The following SLC4A3 variants were observed in gnomAD, a reference collection of about 807,000 sequenced individuals.
SLC4A3 encodes the protein solute carrier family 4 member 3.
In SLC4A3, 47 loss-of-function variants were observed where a neutral mutation model predicts 114.2. That is an observed-to-expected ratio of 0.41 (90% confidence interval 0.33 to 0.52). SLC4A3 has a LOEUF of 0.52. Ranked by LOEUF, SLC4A3 falls within the 20% of genes least tolerant of loss-of-function variation. The pLI is 0.21. For synonymous variants in SLC4A3, 693 were observed against 710.3 expected (o/e 0.98, Z 0.39); for missense variants, 1,312 against 1,668.3 (o/e 0.79, Z 3.72).
rs1574658093 is a variant in SLC4A3, at chr2:219,639,383, A to C, written c.3024-99A>C. 7.1e-7 allele frequency: 1 copy of C among 1,402,596 alleles called. No homozygotes were observed. The highest frequency in any genetic ancestry group is 2.3e-5 in the East Asian group (1 of 43,514). The allele number at this position is 1,402,596 out of a possible 1,614,324, so 86.9% of individuals were successfully genotyped here. Reference sequence around the variant, plus strand: ...AGTCCTAGGGAGAACTGTTGTCTGCACGTCCTCCCCCCACCATCTCGTCTC... The same window carrying C: ...AGTCCTAGGGAGAACTGTTGTCTGCCCGTCCTCCCCCCACCATCTCGTCTC... On this transcript the variant is annotated intron_variant, in intron 19 of 22. Transcript: ENST00000358055. The surrounding 1 kb of genome is among the most constrained non-coding windows in gnomAD (Gnocchi z 5.9).
Position 219,635,306 on chromosome 2 carries a change from G to A in SLC4A3, c.1782G>A (p.Arg594=). 1 of 1,614,128 alleles carries A rather than the reference G, an allele frequency of 6.2e-7. No individual in the cohort carries two copies. The highest frequency in any genetic ancestry group is 2.2e-5 in the East Asian group (1 of 44,886). ...AGGCTGCCTACCAGGCAGATGACCG[G>A]CAAGACCTCCTAAGTGCCATCAGCG... ...FHEAAYQADD[R]QDLLSAISEF... is the part of the protein sequence containing the mutation. Residue 594 remains arginine (R), a synonymous_variant, in exon 13 of 23, where the codon CGG becomes CGA. Transcript: ENST00000358055.
At chr2:219,633,183 G>A (rs1194794801) in intron 9 of SLC4A3, 91 bp from the exon 10 acceptor site, 14 of 1,371,696 alleles carry the variant, frequency 1.0e-5, no homozygotes, top group Non-Finnish European at 1.3e-5. Flanking sequence ...TGAGGCAGAG[G>A]GATGGAGGTC....
intron 8 of SLC4A3, 71 bp downstream of exon 8, chr2:219,632,513 G>T (rs952819597): frequency 1.4e-6 from 2 of 1,462,518 alleles, no homozygotes; most frequent in Non-Finnish European, 1.8e-6. Flanking sequence ...CAGTTCCCAG[G>T]AACACTCTCT....
chr2:219,628,683 C>G lies in SLC4A3; in HGVS notation c.217+113C>G. 9.4e-7 allele frequency: 1 copy of G among 1,062,160 alleles called. No individual in the cohort carries two copies. Among genetic ancestry groups the G allele is most frequent in the Non-Finnish European group, 1.4e-6 (1 of 723,584 alleles). 65.8% of individuals were successfully genotyped at this position (1,062,160 alleles called of 1,614,324 possible). A position where few individuals can be genotyped will look rare whatever the true frequency, so the allele number is the denominator to read the frequency against. On this transcript the variant is annotated intron_variant, in intron 3 of 22. Coordinates refer to ENST00000358055, the MANE Select transcript of SLC4A3 (RefSeq NM_005070.4). The surrounding 1 kb of genome is among the most constrained non-coding windows in gnomAD (Gnocchi z 4.8). ...ACCCAGTGCCATCCTGTGCCGGACACTGTGCTGGACTCTGTGCTGGGCCAC... is the reference window on the plus strand; with the variant it reads ...ACCCAGTGCCATCCTGTGCCGGACAGTGTGCTGGACTCTGTGCTGGGCCAC...
In SLC4A3 at chr2:219,635,808, C is replaced by T. The variant is rs148012739; in HGVS notation, c.2108C>T (p.Ala703Val). The change falls in exon 14 of 23, where the codon GCG (alanine) becomes GTG (valine). Residue 703 changes from alanine to valine, a missense_variant. Ala to Val is a moderately conservative substitution (Grantham distance 64). Transcript: ENST00000358055. ...CACTACCCCAGTGACCTGCGAGATG[C>T]GCTGCACTCCCAGTGTGTGGCCGCT... ...YPHYPSDLRD[A>V]LHSQCVAAVL... 13 of 1,592,324 alleles carry T rather than the reference C, an allele frequency of 8.2e-6. No homozygotes were observed. The highest frequency in any genetic ancestry group is 3.4e-5 in the South Asian group (3 of 87,234).
intron 14 of SLC4A3, 83 bp downstream of exon 14, chr2:219,635,974 G>T: frequency 8.7e-7 from 1 of 1,152,570 alleles, no homozygotes. Context: ...CTGGGTCTGG[G>T]TGTGATCACA....
Position 219,636,262 on chromosome 2 carries a change from A to G in SLC4A3, c.2192-40A>G. On this transcript the variant is annotated intron_variant, in intron 14 of 22. Transcript: ENST00000358055. The surrounding 1 kb of genome is among the most constrained non-coding windows in gnomAD (Gnocchi z 5.5). ...GCTAGATGAAGAAGGGGGCAGATAG[A>G]CAGAGCCAGGCTAGGGCCATCCTAC... 1 of 1,610,436 alleles carries G rather than the reference A, an allele frequency of 6.2e-7. No individual in the cohort carries two copies.
At position 219,628,029 on chromosome 2, in the gene SLC4A3, TC is replaced by T. The variant is rs1559195326; in HGVS notation, c.43del (p.Leu15TyrfsTer13). 8 of 1,575,566 alleles carry T rather than the reference TC, an allele frequency of 5.1e-6. No homozygotes were observed. Among genetic ancestry groups the T allele is most frequent in the Admixed American group, 3.6e-5 (2 of 55,122 alleles). ...AGTGATCCCGCCGCCCGGGGGCGCCTCCCCCCTACCCCAGGTGATCGGCGCG... is the reference window on the plus strand; with the variant it reads ...AGTGATCCCGCCGCCCGGGGGCGCCTCCCCCTACCCCAGGTGATCGGCGCG... The part of the protein sequence containing the change: ...NGVIPPPGGA[S>X]PLPQVRVPLE... On this transcript the variant is annotated frameshift_variant, in exon 2 of 23. Coordinates refer to ENST00000358055, the MANE Select transcript of SLC4A3 (RefSeq NM_005070.4). LOFTEE classifies it high-confidence loss of function. This position sits in a 1 kb window ranked among gnomAD's most constrained non-coding sequence, Gnocchi z 4.8.
rs1699128876 is a variant in SLC4A3 at position 219,636,665 on chromosome 2, C to T, written c.2341-15C>T. 1 of 1,609,948 alleles carries T rather than the reference C, an allele frequency of 6.2e-7. No individual in the cohort carries two copies. Among genetic ancestry groups the T allele is most frequent in the East Asian group, 2.2e-5 (1 of 44,846 alleles). On this transcript the variant is annotated splice_polypyrimidine_tract_variant and intron_variant, in intron 15 of 22. Transcript: ENST00000358055. This position sits in a 1 kb window ranked among gnomAD's most constrained non-coding sequence, Gnocchi z 5.5. ...AGTCCACCTGTGGGTAACGACCGCT[C>T]CTACCCCCACCTAGTTCTGCCGAGC...
rs1699073562 is a variant in SLC4A3, at chr2:219,635,246, G to C, written c.1747-25G>C. On this transcript the variant is annotated intron_variant, in intron 12 of 22. Coordinates refer to ENST00000358055, the MANE Select transcript of SLC4A3 (RefSeq NM_005070.4). ...GAGGCTCCCTTGGCTGTCCCTGAGG[G>C]TCCTGGCCCTCTCATTGCCCCCAGC... 4 of 1,603,878 alleles carry C rather than the reference G, an allele frequency of 2.5e-6. No homozygotes were observed. The East Asian group carries it at 8.9e-5, about 36-fold the overall frequency.
chr2:219,635,187 AG>A lies in SLC4A3; in HGVS notation c.1747-83del, dbSNP rs1054000273. The A allele has an allele frequency of 4.7e-6, 5 of 1,063,212 alleles. No homozygotes were observed. The African/African-American group carries it at 7.8e-5, about 17-fold the overall frequency. The allele number at this position is 1,063,212 out of a possible 1,614,324, so 65.9% of individuals were successfully genotyped here. ...TGAATGTCCACCCTGCCTGTAGCTC[AG>A]TGACCCAACACCCGCCTCAAGTCTC... On this transcript the variant is annotated intron_variant, in intron 12 of 22. Transcript: ENST00000358055.
At position 219,637,802 on chromosome 2, in the gene SLC4A3, G is replaced by A. The variant is rs145199339; in HGVS notation, c.2757G>A (p.Leu919=). ...FLRKFRNSRF[L]GGKARRIIGD... is the part of the protein sequence containing the mutation. ...GCAAGTTCAGGAACAGCCGCTTCCTGGGGGGCAAGGTGCGTGGCTGCTGGG... is the reference window on the plus strand; with the variant it reads ...GCAAGTTCAGGAACAGCCGCTTCCTAGGGGGCAAGGTGCGTGGCTGCTGGG... The change falls in exon 17 of 23, where the codon CTG becomes CTA. Residue 919 remains leucine, a synonymous_variant. Transcript: ENST00000358055. This position sits in a 1 kb window ranked among gnomAD's most constrained non-coding sequence, Gnocchi z 4.6. 6.2e-7 allele frequency: 1 copy of A among 1,612,776 alleles called. No homozygotes were observed. The highest frequency in any genetic ancestry group is 8.5e-7 in the Non-Finnish European group (1 of 1,178,844).
rs2106192978 is a variant in SLC4A3 at position 219,634,609 on chromosome 2, G to T, written c.1746+5G>T. On this transcript the variant is annotated splice_donor_5th_base_variant and intron_variant, in intron 12 of 22. Coordinates refer to ENST00000358055, the MANE Select transcript of SLC4A3 (RefSeq NM_005070.4). ...GCCACCCTTATGTCTGACAAGGTTG[G>T]GCGCGTGCTGGCTCTCAAGGCCTCT... 1 of 1,613,422 alleles carries T rather than the reference G, an allele frequency of 6.2e-7. No homozygotes were observed. The highest frequency in any genetic ancestry group is 2.2e-5 in the East Asian group (1 of 44,872).
At chr2:219,629,746 C>G in intron 5 of SLC4A3, 51 bp downstream of exon 5, 1 of 1,302,686 alleles carries the variant, frequency 7.7e-7, no homozygotes, top group Non-Finnish European at 1.1e-6. Context: ...GCCACAGGGT[C>G]CAGAGCTCCT....
intron 5 of SLC4A3, 147 bp downstream of exon 5, chr2:219,629,842 A>T: frequency 3.2e-6 from 1 of 313,398 alleles, no homozygotes; most frequent in Non-Finnish European, 5.8e-6. Context: ...GGGGGTGGGG[A>T]TCCTTCTCTG....
rs1275967346 is a variant in SLC4A3 at position 219,639,943 on chromosome 2, T to C, written c.3277+208T>C. On this transcript the variant is annotated intron_variant, in intron 20 of 22. Transcript: ENST00000358055. This position sits in a 1 kb window ranked among gnomAD's most constrained non-coding sequence, Gnocchi z 5.9. ...TCCTGCCCCCTCTTCTCTCTCTTTT[T>C]TTTTGAGACGGAGTCTCGCTCTGTC... Among the ~76,000 whole-genome samples, 1 of 152,152 alleles carries C rather than the reference T, an allele frequency of 6.6e-6. No individual in the cohort carries two copies. Among genetic ancestry groups the C allele is most frequent in the Admixed American group, 6.5e-5 (1 of 15,282 alleles).
rs766693245 is a variant in SLC4A3 at position 219,636,739 on chromosome 2, G to C, written c.2400G>C (p.Leu800=). ...LTGRVWVGLW[L]VVFVLALVAA... is the part of the protein sequence containing the mutation. ...GCCGGGTGTGGGTTGGTCTCTGGCT[G>C]GTGGTCTTCGTCCTTGCCCTGGTGG... The change falls in exon 16 of 23, where the codon CTG becomes CTC. Residue 800 remains leucine (L), a synonymous_variant. Transcript: ENST00000358055. This position sits in a 1 kb window ranked among gnomAD's most constrained non-coding sequence, Gnocchi z 5.5. 5.6e-6 allele frequency: 9 copies of C among 1,613,974 alleles called. No individual in the cohort carries two copies. Among genetic ancestry groups the C allele is most frequent in the Non-Finnish European group, 7.6e-6 (9 of 1,179,982 alleles).
In SLC4A3 at chr2:219,630,393, C is replaced by CG; in HGVS notation, c.811+43dup. The stretch of plus-strand genomic sequence containing the variant: ...TGGCAGCCCCCATGGTCCACTGCGA[C>CG]GGACTCCCAGCCTGCGAGTGACCTT... On this transcript the variant is annotated intron_variant, in intron 6 of 22. Transcript: ENST00000358055. This position sits in a 1 kb window ranked among gnomAD's most constrained non-coding sequence, Gnocchi z 6.9. 6.4e-7 allele frequency: 1 copy of CG among 1,555,506 alleles called. No homozygotes were observed. The highest frequency in any genetic ancestry group is 2.3e-5 in the East Asian group (1 of 44,174).
At chr2:219,632,621 G>C (rs1698967111) in intron 8 of SLC4A3, among the ~76,000 whole-genome samples, 179 bp downstream of exon 8, 2 of 152,260 alleles carry the variant, frequency 1.3e-5, no homozygotes, top group South Asian at 4.1e-4. Context: ...GGCTGTATCT[G>C]GTGCATGCAG....
Sources: allele counts gnomAD v4.1 joint callset (sites outside exome capture counted in the v4.1 genomes callset), GRCh38; gene constraint gnomAD v4.1.1; non-coding constraint Gnocchi (gnomAD v3.1); transcripts MANE v1.5; gene names NCBI Gene and HGNC (gene_info 2026-07-23, HGNC 2026-07-21).